Variants in TMEM232 observed in about 807,000 individuals in gnomAD.
The protein encoded by TMEM232 is transmembrane protein 232.
In TMEM232, 80 loss-of-function variants were observed where a neutral mutation model predicts 78.8. The observed-to-expected ratio is 1.01, with a 90% confidence interval of 0.85 to 1.22. The LOEUF (loss-of-function observed/expected upper bound fraction) is 1.22, where lower values mean the gene tolerates loss of function less well. Among genes scored for constraint, TMEM232 ranks in the 50% most tolerant of loss-of-function variants. The probability of loss-of-function intolerance (pLI) is 0.00; values close to 1 mark genes in which losing one functional copy is unlikely to be tolerated. For synonymous variants in TMEM232, 297 were observed against 254.3 expected, an observed-to-expected ratio of 1.17 and a Z score of -1.60; for missense variants, 881 against 742.2, an observed-to-expected ratio of 1.19 and a Z score of -2.17.
chr5:110,568,435 G>A lies in TMEM232; in HGVS notation c.1455+12C>T, dbSNP rs1776576015. The A allele has an allele frequency of 6.6e-7, 1 of 1,526,322 alleles. No homozygotes were observed. Among genetic ancestry groups the A allele is most frequent in the African/African-American group, 1.4e-5 (1 of 71,136 alleles). 94.5% of individuals were successfully genotyped at this position (1,526,322 alleles called of 1,614,324 possible). A position where few individuals can be genotyped will look rare whatever the true frequency, so the allele number is the denominator to read the frequency against. ...TAGATGTACATATTTATTGCCCAGT[G>A]TTTTACCTTACCTGAGCTATATTGA... On this transcript the variant is annotated intron_variant, in intron 11 of 13. Coordinates refer to ENST00000455884, the MANE Select transcript of TMEM232 (RefSeq NM_001039763.4).
chr5:110,389,390 G>C (rs1755097861), intron 4 of TMEM232, among the ~76,000 whole-genome samples: 1 of 152,064 alleles, frequency 6.6e-6, no homozygotes, highest in Non-Finnish European at 1.5e-5. Flanking sequence ...AGATAGATTG[G>C]GGTTGCATAC....
chr5:110,719,449 A>G (rs1277692213), intron 1 of TMEM232, among the ~76,000 whole-genome samples: 1 of 151,952 alleles, frequency 6.6e-6, no homozygotes, highest in Admixed American at 6.6e-5. Context: ...GTCTTTAATA[A>G]ATCTGACATC....
chr5:110,616,223 A>G (rs970960553), intron 8 of TMEM232, among the ~76,000 whole-genome samples: 1 of 152,100 alleles, frequency 6.6e-6, no homozygotes, highest in African/African-American at 2.4e-5. Context: ...ATACAGACAC[A>G]TTTGCCAAAT....
At chr5:110,452,959 T>C (rs1407419734) in intron 12 of TMEM232, among the ~76,000 whole-genome samples, 2 of 152,192 alleles carry the variant, frequency 1.3e-5, no homozygotes, top group African/African-American at 4.8e-5. Context: ...ACAGAACGCT[T>C]CTGATTGAAG....
rs369880810 is a variant in TMEM232 at position 110,406,265 on chromosome 5, T to TATAC, written n.309-8412_309-8411insGTAT. Among the ~76,000 whole-genome samples the TATAC allele has an allele frequency of 1.8e-3, 252 of 143,682 alleles. 2 individuals carry two copies. Among genetic ancestry groups the TATAC allele is most frequent in the African/African-American group, 3.0e-3 (120 of 39,498 alleles). The allele number at this position is 143,682 out of a possible 152,430, so 94.3% of individuals were successfully genotyped here. A position where few individuals can be genotyped will look rare whatever the true frequency, so the allele number is the denominator to read the frequency against. On this transcript the variant is annotated intron_variant and non_coding_transcript_variant, in intron 2 of 8. Transcript: ENST00000507188. ...CATCTACCTATGACACAGATATATATACACACACACACACACACACACACA... is the reference window on the plus strand; with the variant it reads ...CATCTACCTATGACACAGATATATATATACACACACACACACACACACACACACA...
At chr5:110,692,119 C>T (rs915993810) in intron 1 of TMEM232, among the ~76,000 whole-genome samples, 3 of 152,038 alleles carry the variant, frequency 2.0e-5, no homozygotes, top group African/African-American at 7.2e-5. Context: ...GACGGGGTTT[C>T]ACCCTGTTAG....
At chr5:110,552,612 A>T (rs1450512718) in intron 11 of TMEM232, among the ~76,000 whole-genome samples, 1 of 152,170 alleles carries the variant, frequency 6.6e-6, no homozygotes, top group Non-Finnish European at 1.5e-5. Context: ...TCAGGCTTTA[A>T]TATAAGAAGC....
intron 4 of TMEM232, among the ~76,000 whole-genome samples, chr5:110,638,791 A>C (rs1232958405): frequency 2.0e-5 from 3 of 152,210 alleles, no homozygotes; most frequent in Non-Finnish European, 2.9e-5. Context: ...CAGCTATTAT[A>C]GATCCAACAC....
At chr5:110,716,388 C>T (rs1364310067) in intron 1 of TMEM232, among the ~76,000 whole-genome samples, 1 of 152,080 alleles carries the variant, frequency 6.6e-6, no homozygotes, top group Non-Finnish European at 1.5e-5. Context: ...AATTATACAA[C>T]TCCCCATAAT....
At chr5:110,690,434 A>G (rs536353076) in intron 1 of TMEM232, among the ~76,000 whole-genome samples, 25 of 152,360 alleles carry the variant, frequency 1.6e-4, no homozygotes, top group African/African-American at 5.5e-4. Context: ...ATACCATATC[A>G]TACCACTTAG....
Position 110,436,927 on chromosome 5 carries a change from C to T in TMEM232, c.1704-12011G>A, listed in dbSNP as rs557922856. On this transcript the variant is annotated intron_variant, in intron 12 of 13. Transcript: ENST00000455884. ...TTCCTTTTGCTCAGGATGGCTTTGG[C>T]TATTCTGGGACTTTGTGATTCTATA... Among the ~76,000 whole-genome samples, 5 of 152,004 alleles carry T rather than the reference C, an allele frequency of 3.3e-5. No individual in the cohort carries two copies. The South Asian group carries it at 1.0e-3, about 31-fold the overall frequency.
intron 12 of TMEM232, among the ~76,000 whole-genome samples, chr5:110,428,501 C>G (rs548082785): frequency 6.9e-4 from 105 of 151,870 alleles, no homozygotes; most frequent in African/African-American, 2.3e-3. Flanking sequence ...TCTGCCCAGT[C>G]TCTGTGGGAG....
At position 110,618,433 on chromosome 5, in the gene TMEM232, A is replaced by G; in HGVS notation, c.898T>C (p.Cys300Arg). 3 of 1,550,456 alleles carry G rather than the reference A, an allele frequency of 1.9e-6. No individual in the cohort carries two copies. Among genetic ancestry groups the G allele is most frequent in the South Asian group, 2.4e-5 (2 of 83,714 alleles). Residue 300 changes from cysteine to arginine, a missense_variant, in exon 8 of 14, where the codon TGC (cysteine) becomes CGC (arginine). Coordinates refer to ENST00000455884, the MANE Select transcript of TMEM232 (RefSeq NM_001039763.4). ...GATTTATAGGATCACTCTTACCAGC[A>G]TTTCTTTTGAAGCTGTGTCTTATGG... Reference protein sequence around the residue: ...VFHKTQLQKKCWLDSVLALLV... With the variant: ...VFHKTQLQKKRWLDSVLALLV...
At chr5:110,659,720 G>A (rs962502208) in intron 2 of TMEM232, among the ~76,000 whole-genome samples, 14 of 152,038 alleles carry the variant, frequency 9.2e-5, no homozygotes, top group African/African-American at 2.9e-4. Context: ...AACCAGAAAC[G>A]TTAAGTCTAC....
At chr5:110,412,064 T>TC (rs1756018231) in intron 2 of TMEM232, among the ~76,000 whole-genome samples, 1 of 152,188 alleles carries the variant, frequency 6.6e-6, no homozygotes, top group African/African-American at 2.4e-5. Context: ...TCAGAGCTCT[T>TC]CAGAGATTTG....
intron 12 of TMEM232, among the ~76,000 whole-genome samples, chr5:110,425,923 T>C (rs941118166): frequency 3.3e-5 from 5 of 152,092 alleles, no homozygotes; most frequent in African/African-American, 1.2e-4. Context: ...TAAGATTACA[T>C]TTGTTAAGGA....
chr5:110,640,270 C>T (rs1172072848), intron 4 of TMEM232, among the ~76,000 whole-genome samples: 2 of 152,126 alleles, frequency 1.3e-5, no homozygotes, highest in African/African-American at 2.4e-5. Context: ...GATAGCACTA[C>T]AAAACCTAAT....
At chr5:110,581,216 C>T (rs536707630) in intron 10 of TMEM232, among the ~76,000 whole-genome samples, 1 of 151,888 alleles carries the variant, frequency 6.6e-6, no homozygotes, top group Non-Finnish European at 1.5e-5. Context: ...CAAAGCAATC[C>T]TAAGCAAAGA....
intron 12 of TMEM232, among the ~76,000 whole-genome samples, chr5:110,468,471 T>G (rs1396712419): frequency 6.6e-6 from 1 of 152,086 alleles, no homozygotes; most frequent in African/African-American, 2.4e-5. Flanking sequence ...AAATAAAAGC[T>G]TGCCTTAAAT....
Sources: gnomAD v4.1 joint callset for allele counts (sites outside exome capture counted in the v4.1 genomes callset) on GRCh38, gnomAD v4.1.1 for gene constraint, MANE v1.5 for transcripts, NCBI Gene and HGNC (gene_info 2026-07-23, HGNC 2026-07-21) for gene names.